Variants in PTPRD observed in about 807,000 individuals in gnomAD.
PTPRD encodes receptor-type tyrosine-protein phosphatase delta.
A neutral mutation model predicts 214.5 loss-of-function variants in PTPRD; 34 were observed. The observed-to-expected ratio is 0.16, with a 90% CI of 0.12 to 0.21. The LOEUF is 0.21. Among genes scored for constraint, PTPRD ranks in the 10% least tolerant of loss-of-function variants. The probability of loss-of-function intolerance (pLI) is 1.00; values close to 1 mark genes in which losing one functional copy is unlikely to be tolerated. For missense variants in PTPRD, 2,545 were observed against 2,398.7 expected, an observed-to-expected ratio of 1.06 and a Z score of -1.27; for synonymous variants, 1,128 against 845.7, an observed-to-expected ratio of 1.33 and a Z score of -5.79.
intron 36 of PTPRD, among the ~76,000 whole-genome samples, chr9:8,397,048 A>G (rs1351846172): frequency 6.6e-6 from 1 of 152,196 alleles, no homozygotes; most frequent in Non-Finnish European, 1.5e-5. Flanking sequence ...TATCAGCCTA[A>G]ATCAATGATT....
chr9:10,368,669 A>G (rs1166344176), intron 2 of PTPRD, among the ~76,000 whole-genome samples: 2 of 152,072 alleles, frequency 1.3e-5, no homozygotes, highest in Non-Finnish European at 2.9e-5. Flanking sequence ...TATTAATCTC[A>G]CTTATGGGAA....
chr9:8,543,367 C>T (rs1342569065), intron 14 of PTPRD, among the ~76,000 whole-genome samples: 3 of 152,180 alleles, frequency 2.0e-5, no homozygotes, highest in Non-Finnish European at 4.4e-5. Flanking sequence ...CCACCAATCC[C>T]CCAACAGCCA....
chr9:9,057,240 C>T (rs1195816357), intron 10 of PTPRD, among the ~76,000 whole-genome samples: 1 of 151,996 alleles, frequency 6.6e-6, no homozygotes, highest in Non-Finnish European at 1.5e-5. Flanking sequence ...ATTACTCTGC[C>T]ACACAATTAA....
intron 8 of PTPRD, among the ~76,000 whole-genome samples, chr9:9,481,068 G>A (rs951512755): frequency 6.6e-6 from 1 of 152,066 alleles, no homozygotes; most frequent in African/African-American, 2.4e-5. Context: ...AAATTAGAAT[G>A]TGCACTCAGT....
intron 5 of PTPRD, among the ~76,000 whole-genome samples, chr9:9,867,806 A>T (rs1335417605): frequency 6.6e-6 from 1 of 152,202 alleles, no homozygotes; most frequent in East Asian, 1.9e-4. Context: ...CCTCCATGGT[A>T]TAAAAGCATG....
rs56294107 is a variant in PTPRD at position 8,819,744 on chromosome 9, T to C, written c.-103-85798A>G. Among the ~76,000 whole-genome samples the C allele has an allele frequency of 5.7e-3, 868 of 152,196 alleles. 6 individuals carry two copies. The highest frequency in any genetic ancestry group is 0.019 in the African/African-American group (809 of 41,536). ...GGCACTTTCAATAAAATGTGGGAGA[T>C]TGTTAGTTAAAGTCAGATTCCTTTG... On this transcript the variant is annotated intron_variant, in intron 11 of 45. Coordinates refer to ENST00000381196, the MANE Select transcript of PTPRD (RefSeq NM_002839.4).
intron 2 of PTPRD, among the ~76,000 whole-genome samples, chr9:10,360,930 G>A (rs547233901): frequency 3.0e-4 from 46 of 152,086 alleles, no homozygotes; most frequent in South Asian, 8.3e-4. Context: ...ATGAAACCCC[G>A]TCTCTACTAA....
chr9:10,338,379 C>G (rs887750109), intron 3 of PTPRD, among the ~76,000 whole-genome samples: 3 of 151,736 alleles, frequency 2.0e-5, no homozygotes, highest in African/African-American at 4.8e-5. Flanking sequence ...TAACTTTCAA[C>G]TGATAGTCCT....
chr9:9,213,168 G>A (rs778069138), intron 9 of PTPRD, among the ~76,000 whole-genome samples: 7 of 152,108 alleles, frequency 4.6e-5, no homozygotes, highest in African/African-American at 1.7e-4. Context: ...ATATTCAGTG[G>A]TTTCAGATTC....
intron 9 of PTPRD, among the ~76,000 whole-genome samples, chr9:9,329,646 G>C (rs1202404993): frequency 6.6e-6 from 1 of 152,172 alleles, no homozygotes; most frequent in African/African-American, 2.4e-5. Context: ...GAGGGAGCTA[G>C]AGAGAATATA....
chr9:9,759,372 C>A (rs2098628966), intron 6 of PTPRD, among the ~76,000 whole-genome samples: 1 of 152,168 alleles, frequency 6.6e-6, no homozygotes, highest in Admixed American at 6.5e-5. Context: ...GAAGTCCCCA[C>A]AACCCAGTAA....
chr9:10,210,745 A>G (rs2099512144), intron 3 of PTPRD, among the ~76,000 whole-genome samples: 1 of 96,512 alleles, frequency 1.0e-5, no homozygotes, highest in Admixed American at 1.3e-4. Flanking sequence ...ATGCTTATAT[A>G]TATTTAAAAT....
At chr9:9,989,003 T>G (rs994053474) in intron 4 of PTPRD, among the ~76,000 whole-genome samples, 5 of 109,948 alleles carry the variant, frequency 4.5e-5, no homozygotes, top group Non-Finnish European at 8.2e-5. Flanking sequence ...GAAGAGCCCT[T>G]AGTTTCACTG....
At chr9:10,389,491 C>T (rs2098009752) in intron 2 of PTPRD, among the ~76,000 whole-genome samples, 1 of 151,900 alleles carries the variant, frequency 6.6e-6, no homozygotes, top group South Asian at 2.1e-4. Flanking sequence ...TCACCTGTAA[C>T]TGTTCCCTTT....
At chr9:10,600,108 A>G (rs1008693259) in intron 2 of PTPRD, among the ~76,000 whole-genome samples, 3 of 151,760 alleles carry the variant, frequency 2.0e-5, no homozygotes, top group Non-Finnish European at 4.4e-5. Context: ...ATTTTACCAC[A>G]TAGTATTCAA....
At chr9:10,377,951 T>A (rs984236967) in intron 2 of PTPRD, among the ~76,000 whole-genome samples, 4 of 152,180 alleles carry the variant, frequency 2.6e-5, no homozygotes, top group South Asian at 4.1e-4. Flanking sequence ...GATCATACGG[T>A]AGCTCTATTT....
intron 5 of PTPRD, among the ~76,000 whole-genome samples, chr9:9,848,438 G>C (rs1427425722): frequency 2.0e-5 from 3 of 151,998 alleles, no homozygotes; most frequent in Non-Finnish European, 2.9e-5. Flanking sequence ...AGAACAAATA[G>C]GGATAATGAC....
rs150403627 is a variant in PTPRD, at chr9:9,143,181, A to G, written c.-143+40123T>C. ...CCTCATTGGAGCATGCTATTTGTTC[A>G]TCTCTGAGACCCTGACAGAGCAACC... On this transcript the variant is annotated intron_variant, in intron 10 of 45. Coordinates refer to ENST00000381196, the MANE Select transcript of PTPRD (RefSeq NM_002839.4). Among the ~76,000 whole-genome samples the G allele has an allele frequency of 2.4e-3, 369 of 152,280 alleles. 1 individual carries two copies. The highest frequency in any genetic ancestry group is 8.5e-3 in the African/African-American group (352 of 41,562).
intron 2 of PTPRD, among the ~76,000 whole-genome samples, chr9:10,405,645 G>A (rs986977354): frequency 6.6e-6 from 1 of 151,516 alleles, no homozygotes; most frequent in Admixed American, 6.6e-5. Context: ...AGAAGTGTAT[G>A]TACAGAAATT....
Sources: gnomAD v4.1 joint callset for allele counts (sites outside exome capture counted in the v4.1 genomes callset) on GRCh38, gnomAD v4.1.1 for gene constraint, MANE v1.5 for transcripts, NCBI Gene and HGNC (gene_info 2026-07-23, HGNC 2026-07-21) for gene names.